The following CTH variants were observed in gnomAD, a reference collection of about 807,000 sequenced individuals.
CTH encodes the protein cystathionine gamma-lyase, also known as cystathionase (cystathionine gamma-lyase).
Under a neutral mutation model 50.6 loss-of-function variants are expected in CTH, and 41 were observed. That is an observed-to-expected ratio of 0.81 (90% CI 0.63 to 1.05). The LOEUF (loss-of-function observed/expected upper bound fraction) is 1.05, where lower values mean the gene tolerates loss of function less well. Among genes scored for constraint, CTH ranks in the 50% least tolerant of loss-of-function variants. The probability of loss-of-function intolerance (pLI) is 0.00; values close to 1 mark genes in which losing one functional copy is unlikely to be tolerated. For synonymous variants in CTH, 156 were observed against 168.9 expected (o/e 0.92, Z 0.59); for missense variants, 470 against 492.6 (o/e 0.95, Z 0.43).
At position 70,438,761 on chromosome 1, in the gene CTH, C is replaced by A; in HGVS notation, c.1126C>A (p.Leu376Ile). 2 of 1,613,798 alleles carry A rather than the reference C, an allele frequency of 1.2e-6. No individual in the cohort carries two copies. The highest frequency in any genetic ancestry group is 1.7e-6 in the Non-Finnish European group (2 of 1,179,982). Reference sequence around the variant, plus strand: ...TGGAATTAGTGACACACTGATTCGACTTTCTGTGGGCTTAGAGGATGAGGA... The same window carrying A: ...TGGAATTAGTGACACACTGATTCGAATTTCTGTGGGCTTAGAGGATGAGGA... Reference protein sequence around the residue: ...VLGISDTLIRLSVGLEDEEDL... With the variant: ...VLGISDTLIRISVGLEDEEDL... The change falls in exon 11 of 12, where the codon CTT becomes ATT. Residue 376 changes from leucine (L) to isoleucine (I), a missense_variant. Transcript: ENST00000370938.
At chr1:70,435,222 G>A in intron 10 of CTH, 45 bp downstream of exon 10, 5 of 1,531,912 alleles carry the variant, frequency 3.3e-6, no homozygotes, top group Non-Finnish European at 4.5e-6. Context: ...TTTGATGTCA[G>A]CTTTAATGAT....
At chr1:70,436,699 C>T (rs1304343354) in intron 10 of CTH, among the ~76,000 whole-genome samples, 1 of 151,758 alleles carries the variant, frequency 6.6e-6, no homozygotes, top group Non-Finnish European at 1.5e-5. Flanking sequence ...TAAATAATGA[C>T]TTGAAATAAT....
intron 7 of CTH, 130 bp downstream of exon 7, chr1:70,430,524 A>G (rs896117423): frequency 1.7e-6 from 1 of 597,350 alleles, no homozygotes; most frequent in Non-Finnish European, 3.0e-6. Flanking sequence ...AGAGGAGAAA[A>G]ATTCTGATTT....
chr1:70,433,606 G>T (rs933340354), intron 8 of CTH, among the ~76,000 whole-genome samples: 17 of 152,148 alleles, frequency 1.1e-4, no homozygotes, highest in Non-Finnish European at 2.5e-4. Context: ...ATGAAAGGGA[G>T]TGCAGTGGTG....
chr1:70,438,833 C>CTTA lies in CTH; in HGVS notation c.1191+13_1191+15dup, dbSNP rs1401689841. On this transcript the variant is annotated splice_region_variant and intron_variant, in intron 11 of 11. Transcript: ENST00000370938. ...TCAAGCTTTGAAGGCAGCAGTAAGT[C>CTTA]TTATTATTGTGTGTGTGTGTGTGTG... 6.5e-7 allele frequency: 1 copy of CTTA among 1,548,304 alleles called. No homozygotes were observed.
At chr1:70,423,338 G>A (rs1487612797) in intron 4 of CTH, among the ~76,000 whole-genome samples, 1 of 151,746 alleles carries the variant, frequency 6.6e-6, no homozygotes, top group Non-Finnish European at 1.5e-5. Flanking sequence ...TTGGGAGGCT[G>A]AGGCAGGAGG....
intron 4 of CTH, among the ~76,000 whole-genome samples, chr1:70,423,572 T>TAA (rs11413197): frequency 0.025 from 3,619 of 147,024 alleles, 147 homozygotes; most frequent in African/African-American, 0.084. Context: ...CCCTGCTGCT[T>TAA]AAAAAAAAAA....
At chr1:70,428,084 A>G (rs1009544832) in intron 5 of CTH, among the ~76,000 whole-genome samples, 5 of 151,634 alleles carry the variant, frequency 3.3e-5, no homozygotes, top group Admixed American at 6.6e-5. Context: ...TTAAGACTAC[A>G]GGATTAACCT....
At chr1:70,432,368 C>G in intron 8 of CTH, 133 bp downstream of exon 8, 2 of 1,078,298 alleles carry the variant, frequency 1.9e-6, no homozygotes, top group Admixed American at 4.0e-5. Context: ...TTGAGCACTG[C>G]CATGTGTCAG....
chr1:70,416,914 A>T (rs1341478419), intron 2 of CTH, among the ~76,000 whole-genome samples: 1 of 151,494 alleles, frequency 6.6e-6, no homozygotes, highest in Non-Finnish European at 1.5e-5. Context: ...GCTGGTCTGG[A>T]ACTCTTGGGC....
intron 3 of CTH, 77 bp downstream of exon 3, chr1:70,418,109 C>T (rs1372041939): frequency 6.7e-7 from 1 of 1,497,138 alleles, no homozygotes; most frequent in South Asian, 1.1e-5. Flanking sequence ...TTAATATTAA[C>T]AATGTTGCCA....
chr1:70,436,946 C>T (rs186502205), intron 10 of CTH, among the ~76,000 whole-genome samples: 55 of 152,272 alleles, frequency 3.6e-4, no homozygotes, highest in Non-Finnish European at 6.8e-4. Flanking sequence ...GCTATAACCC[C>T]GATGCCAGAG....
intron 1 of CTH, among the ~76,000 whole-genome samples, chr1:70,415,385 C>A (rs899176790): frequency 6.6e-6 from 1 of 151,696 alleles, no homozygotes; most frequent in Non-Finnish European, 1.5e-5. Context: ...GCCTGGGCAA[C>A]AGAGTGAGGT....
At chr1:70,427,627 A>G (rs1045600150) in intron 5 of CTH, among the ~76,000 whole-genome samples, 3 of 152,204 alleles carry the variant, frequency 2.0e-5, no homozygotes, top group Non-Finnish European at 4.4e-5. Flanking sequence ...TCCAAAGACT[A>G]AACAGCTCTA....
intron 5 of CTH, among the ~76,000 whole-genome samples, chr1:70,426,463 G>T (rs552921936): frequency 1.3e-5 from 2 of 152,214 alleles, no homozygotes; most frequent in Non-Finnish European, 2.9e-5. Flanking sequence ...TCTGTTCTGG[G>T]TCCCTGAAGT....
intron 5 of CTH, among the ~76,000 whole-genome samples, chr1:70,425,087 T>TTA (rs1240689306): frequency 2.6e-5 from 4 of 152,194 alleles, no homozygotes; most frequent in Non-Finnish European, 5.9e-5. Context: ...TTGAATATTT[T>TTA]TATATATATT....
rs1683965446 is a variant in CTH at position 70,411,566 on chromosome 1, G to A, written c.151G>A (p.Ala51Thr). The change falls in exon 1 of 12, where the codon GCG becomes ACG. Residue 51 changes from alanine (A) to threonine (T), a missense_variant. By Grantham distance (58) the Ala-to-Thr change is moderately conservative. Coordinates refer to ENST00000370938, the MANE Select transcript of CTH (RefSeq NM_001902.6). ...ISLSTTFKQG[A>T]PGQHSGFEYS... ...ACTGTCCACCACGTTCAAGCAAGGGGCGCCTGGCCAGCACTCGGTGAGCTG... is the reference window on the plus strand; with the variant it reads ...ACTGTCCACCACGTTCAAGCAAGGGACGCCTGGCCAGCACTCGGTGAGCTG... 1 of 1,613,846 alleles carries A rather than the reference G, an allele frequency of 6.2e-7. No homozygotes were observed. Among genetic ancestry groups the A allele is most frequent in the Non-Finnish European group, 8.5e-7 (1 of 1,179,882 alleles).
intron 11 of CTH, 46 bp from the exon 12 acceptor site, chr1:70,439,055 G>A (rs1218329951): frequency 1.0e-5 from 16 of 1,578,104 alleles, no homozygotes; most frequent in Non-Finnish European, 1.3e-5. Flanking sequence ...TGAAGCTATG[G>A]CCTATATGTT....
intron 10 of CTH, among the ~76,000 whole-genome samples, 176 bp downstream of exon 10, chr1:70,435,353 A>C (rs1421268659): frequency 6.6e-6 from 1 of 152,100 alleles, no homozygotes; most frequent in African/African-American, 2.4e-5. Flanking sequence ...AATCTCATGG[A>C]GGGCTTCTTG....
Sources: gnomAD v4.1 joint callset for allele counts (sites outside exome capture counted in the v4.1 genomes callset) on GRCh38, gnomAD v4.1.1 for gene constraint, MANE v1.5 for transcripts, NCBI Gene and HGNC (gene_info 2026-07-23, HGNC 2026-07-21) for gene names.